The following VAV1 variants were observed in gnomAD, a reference collection of about 807,000 sequenced individuals.
VAV1 encodes the protein proto-oncogene vav.
Under a neutral mutation model 128.1 loss-of-function variants are expected in VAV1, and 33 were observed. The observed-to-expected ratio is 0.26, with a 90% CI of 0.20 to 0.34. The LOEUF is 0.34. Ranked by LOEUF, VAV1 falls within the 10% of genes least tolerant of loss-of-function variation. The pLI, the probability that VAV1 is intolerant of heterozygous loss-of-function variation, is 1.00. For missense variants in VAV1, 715 were observed against 1,093.7 expected (o/e 0.65, Z 4.88); for synonymous variants, 394 against 409.8 (o/e 0.96, Z 0.47).
Position 6,817,472 on chromosome 19 carries a change from C to G in VAV1, c.205-3230C>G, listed in dbSNP as rs1201946421. ...GCAGATTCCCAGGCCCCACCTCCAT[C>G]CATCTAGTTAACAAACATATATCAG... On this transcript the variant is annotated intron_variant, in intron 1 of 26. Coordinates refer to ENST00000602142, the MANE Select transcript of VAV1 (RefSeq NM_005428.4). Among the ~76,000 whole-genome samples, 9 of 152,172 alleles carry G rather than the reference C, an allele frequency of 5.9e-5. No individual in the cohort carries two copies. The East Asian group carries it at 1.7e-3, about 29-fold the overall frequency.
At chr19:6,839,154 GC>G (rs1204836372) in intron 21 of VAV1, among the ~76,000 whole-genome samples, 1 of 151,504 alleles carries the variant, frequency 6.6e-6, no homozygotes, top group Non-Finnish European at 1.5e-5. Context: ...GCCAGCTTCA[GC>G]CTCCCAAAGT....
At chr19:6,815,672 C>T (rs560393548) in intron 1 of VAV1, among the ~76,000 whole-genome samples, 6 of 152,300 alleles carry the variant, frequency 3.9e-5, no homozygotes, top group South Asian at 2.1e-4. Flanking sequence ...ATAATGGTTA[C>T]GCACAGGCTT....
intron 21 of VAV1, among the ~76,000 whole-genome samples, chr19:6,840,030 A>G (rs1328083491): frequency 6.6e-6 from 1 of 152,104 alleles, no homozygotes; most frequent in Non-Finnish European, 1.5e-5. Context: ...AGTGGCATTA[A>G]GTACATTCAC....
chr19:6,786,983 C>T (rs558245128), intron 1 of VAV1, among the ~76,000 whole-genome samples: 70 of 151,048 alleles, frequency 4.6e-4, no homozygotes, highest in Admixed American at 7.9e-4. Context: ...AAAATTTAAC[C>T]AATACACGGT....
intron 21 of VAV1, among the ~76,000 whole-genome samples, chr19:6,838,305 ATCT>A (rs1429727431): frequency 6.1e-5 from 9 of 148,190 alleles, no homozygotes; most frequent in Non-Finnish European, 1.3e-4. Context: ...TTATCTATCT[ATCT>A]ATCTATCTAT....
At chr19:6,853,789 A>C (rs2144835002) in intron 25 of VAV1, among the ~76,000 whole-genome samples, 158 bp from the exon 26 acceptor site, 1 of 152,164 alleles carries the variant, frequency 6.6e-6, no homozygotes, top group African/African-American at 2.4e-5. Flanking sequence ...CTGGGAGTAC[A>C]ATTGTGTCCC....
At position 6,832,194 on chromosome 19, in the gene VAV1, T is replaced by G. The variant is rs1242168799; in HGVS notation, c.1502T>G (p.Met501Arg). 1 of 1,613,920 alleles carries G rather than the reference T, an allele frequency of 6.2e-7. No individual in the cohort carries two copies. The highest frequency in any genetic ancestry group is 8.5e-7 in the Non-Finnish European group (1 of 1,179,948). ...AAGAAGTGGATGGAGCAGTTTGAGA[T>G]GGCCATGTGAGTCCCCGTCTTCCTC... ...LKKKWMEQFE[M>R]AISNIYPENA... The change falls in exon 15 of 27, where the codon ATG becomes AGG. Residue 501 changes from methionine to arginine, a missense_variant. Around this residue, in one of 3 missense-constraint regions of VAV1, gnomAD observed 407 missense variants for 580.6 expected, o/e 0.70. Transcript: ENST00000602142.
rs1971966941 is a variant in VAV1 at position 6,828,302 on chromosome 19, A to G, written c.1024-117A>G. 2.0e-6 allele frequency: 3 copies of G among 1,517,476 alleles called. No individual in the cohort carries two copies. The highest frequency in any genetic ancestry group is 1.8e-5 in the Admixed American group (1 of 55,564). The allele number at this position is 1,517,476 out of a possible 1,614,324, so 94.0% of individuals were successfully genotyped here. On this transcript the variant is annotated intron_variant, in intron 10 of 26. Coordinates refer to ENST00000602142, the MANE Select transcript of VAV1 (RefSeq NM_005428.4). This position sits in a 1 kb window ranked among gnomAD's most constrained non-coding sequence, Gnocchi z 4.5. ...GGATGGGTCACTGGGGTCATGTCTC[A>G]GCCTCCAGGGTCAGCAGTACGATGG...
At chr19:6,775,503 G>A (rs1599609315) in intron 1 of VAV1, among the ~76,000 whole-genome samples, 1 of 152,190 alleles carries the variant, frequency 6.6e-6, no homozygotes, top group African/African-American at 2.4e-5. Flanking sequence ...TGCAAGAGGG[G>A]ACATTTGTGC....
chr19:6,850,593 G>C (rs971520031), intron 23 of VAV1, 77 bp from the exon 24 acceptor site: 1 of 1,436,186 alleles, frequency 7.0e-7, no homozygotes, highest in African/African-American at 1.4e-5. Context: ...GGTCAAGGTT[G>C]CTTCCTCCAT....
At chr19:6,856,285 A>G (rs1972799156) in intron 26 of VAV1, among the ~76,000 whole-genome samples, 1 of 151,902 alleles carries the variant, frequency 6.6e-6, no homozygotes. Flanking sequence ...CAACAGAGTA[A>G]GACTGTGTCT....
At chr19:6,843,209 G>A (rs537523686) in intron 22 of VAV1, 43 bp downstream of exon 22, 1 of 1,612,822 alleles carries the variant, frequency 6.2e-7, no homozygotes. Flanking sequence ...GAGGTTTCTG[G>A]GTTGGGGTTC....
chr19:6,811,007 GTC>G (rs1356364583), intron 1 of VAV1, among the ~76,000 whole-genome samples: 1 of 152,128 alleles, frequency 6.6e-6, no homozygotes, highest in African/African-American at 2.4e-5. Context: ...GGTACAGACT[GTC>G]TCTTAGTTAC....
chr19:6,811,877 A>G (rs80280568), intron 1 of VAV1, among the ~76,000 whole-genome samples: 16,026 of 152,250 alleles, frequency 0.11, 1,583 homozygotes, highest in African/African-American at 0.26. Flanking sequence ...ATGTGCTTCT[A>G]GTTCCAGGTC....
At chr19:6,845,299 C>G (rs1197540383) in intron 22 of VAV1, among the ~76,000 whole-genome samples, 1 of 152,096 alleles carries the variant, frequency 6.6e-6, no homozygotes, top group African/African-American at 2.4e-5. Flanking sequence ...GCAGGGGAAT[C>G]GCTTGAACCT....
chr19:6,822,172 G>C lies in VAV1; in HGVS notation c.450-49G>C. The C allele has an allele frequency of 6.5e-7, 1 of 1,530,366 alleles. No individual in the cohort carries two copies. The highest frequency in any genetic ancestry group is 8.9e-7 in the Non-Finnish European group (1 of 1,128,040). The allele number at this position is 1,530,366 out of a possible 1,614,324, so 94.8% of individuals were successfully genotyped here. A position where few individuals can be genotyped will look rare whatever the true frequency, so the allele number is the denominator to read the frequency against. ...CTGCGCTGGGGTCTGCGGGGACCCT[G>C]CTGTGATCTGGGAGAGGTCCAAGGG... On this transcript the variant is annotated intron_variant, in intron 4 of 26. Coordinates refer to ENST00000602142, the MANE Select transcript of VAV1 (RefSeq NM_005428.4). This position sits in a 1 kb window ranked among gnomAD's most constrained non-coding sequence, Gnocchi z 5.9.
chr19:6,831,212 C>T (rs1462384349), intron 14 of VAV1, among the ~76,000 whole-genome samples: 1 of 152,124 alleles, frequency 6.6e-6, no homozygotes, highest in Non-Finnish European at 1.5e-5. Flanking sequence ...GACCCCTCTC[C>T]CTCTCGGCTC....
intron 1 of VAV1, among the ~76,000 whole-genome samples, chr19:6,778,929 T>C (rs966532925): frequency 2.7e-5 from 4 of 149,760 alleles, no homozygotes; most frequent in Non-Finnish European, 5.9e-5. Flanking sequence ...CAGGCTGGAG[T>C]GCAGTGGTAT....
intron 1 of VAV1, among the ~76,000 whole-genome samples, chr19:6,797,200 C>A (rs1971155174): frequency 6.8e-6 from 1 of 147,772 alleles, no homozygotes; most frequent in African/African-American, 2.5e-5. Context: ...GCACTGCACT[C>A]CAGACTGGGT....
Sources: allele counts gnomAD v4.1 joint callset (sites outside exome capture counted in the v4.1 genomes callset), GRCh38; gene constraint gnomAD v4.1.1; regional missense constraint gnomAD v4.1.1; non-coding constraint Gnocchi (gnomAD v3.1); transcripts MANE v1.5; gene names NCBI Gene and HGNC (gene_info 2026-07-23, HGNC 2026-07-21).